Variants in DAPK1 observed in about 807,000 individuals in gnomAD.
DAPK1 encodes the protein death-associated protein kinase 1.
In DAPK1, 56 loss-of-function variants were observed where a neutral mutation model predicts 144.9. That is an observed-to-expected ratio of 0.39 (90% confidence interval 0.31 to 0.48). The LOEUF (loss-of-function observed/expected upper bound fraction) is 0.48, where lower values mean the gene tolerates loss of function less well. Among genes scored for constraint, DAPK1 ranks in the 20% least tolerant of loss-of-function variants. The pLI, the probability that DAPK1 is intolerant of heterozygous loss-of-function variation, is 0.95. For synonymous variants in DAPK1, 690 were observed against 749.0 expected (o/e 0.92, Z 1.29); for missense variants, 1,454 against 1,875.4 (o/e 0.78, Z 4.15).
chr9:87,584,887 G>A (rs768862675), intron 2 of DAPK1, among the ~76,000 whole-genome samples: 1 of 152,162 alleles, frequency 6.6e-6, no homozygotes, highest in Admixed American at 6.5e-5. Context: ...ATGTTAGCTA[G>A]GCTGGCCTCG....
chr9:87,535,076 C>A (rs139023833), intron 2 of DAPK1, among the ~76,000 whole-genome samples: 26 of 152,128 alleles, frequency 1.7e-4, no homozygotes, highest in Non-Finnish European at 2.2e-4. Context: ...TCTTGAAGCC[C>A]GTGGTGGAAA....
chr9:87,693,974 C>A (rs1460290656), intron 21 of DAPK1, among the ~76,000 whole-genome samples: 1 of 152,014 alleles, frequency 6.6e-6, no homozygotes, highest in East Asian at 1.9e-4. Context: ...GCTGAGCATG[C>A]CTGTCCTTGG....
intron 2 of DAPK1, among the ~76,000 whole-genome samples, chr9:87,531,652 T>C (rs998485595): frequency 1.3e-5 from 2 of 152,152 alleles, no homozygotes; most frequent in African/African-American, 2.4e-5. Flanking sequence ...GTGTAGGGCA[T>C]TGAACTGTCA....
chr9:87,539,600 T>C (rs928609769), intron 2 of DAPK1, among the ~76,000 whole-genome samples: 4 of 151,950 alleles, frequency 2.6e-5, no homozygotes, highest in Non-Finnish European at 5.9e-5. Flanking sequence ...GTGTTTTTAG[T>C]AGAGACGGGG....
chr9:87,641,857 A>T, intron 9 of DAPK1, 112 bp from the exon 10 acceptor site: 1 of 779,454 alleles, frequency 1.3e-6, no homozygotes, highest in Non-Finnish European at 2.1e-6. Flanking sequence ...ATGCTAATTT[A>T]ATAAGGTGAA....
At chr9:87,645,797 T>C in intron 11 of DAPK1, 98 bp from the exon 12 acceptor site, 1 of 1,462,474 alleles carries the variant, frequency 6.8e-7, no homozygotes, top group Non-Finnish European at 9.3e-7. Flanking sequence ...TTCCTCTGAA[T>C]GCCCCTGTTA....
intron 3 of DAPK1, among the ~76,000 whole-genome samples, chr9:87,636,054 G>C (rs764085097): frequency 6.6e-6 from 1 of 152,232 alleles, no homozygotes; most frequent in Non-Finnish European, 1.5e-5. Flanking sequence ...AGTGAGAAGC[G>C]GGAGGCCTTG....
chr9:87,637,576 T>G (rs562503918), intron 3 of DAPK1, among the ~76,000 whole-genome samples: 2 of 152,358 alleles, frequency 1.3e-5, no homozygotes, highest in African/African-American at 4.8e-5. Flanking sequence ...CTATAAATTC[T>G]GTACAAAGCT....
At chr9:87,643,133 A>G (rs879666828) in intron 10 of DAPK1, among the ~76,000 whole-genome samples, 3 of 152,120 alleles carry the variant, frequency 2.0e-5, no homozygotes, top group Non-Finnish European at 2.9e-5. Context: ...ATGGAAGGAG[A>G]ATCTCTATAT....
intron 17 of DAPK1, among the ~76,000 whole-genome samples, chr9:87,652,991 C>G (rs76933372): frequency 1.6e-5 from 2 of 125,564 alleles, no homozygotes; most frequent in South Asian, 3.1e-4. Flanking sequence ...CTGTGTCCAT[C>G]CCCCCGATCC....
intron 2 of DAPK1, among the ~76,000 whole-genome samples, chr9:87,583,725 C>A (rs1339839306): frequency 6.6e-6 from 1 of 152,178 alleles, no homozygotes; most frequent in East Asian, 1.9e-4. Flanking sequence ...CCACCCAAAC[C>A]TTCATTTCCA....
At position 87,629,911 on chromosome 9, in the gene DAPK1, A is replaced by G. The variant is rs577995623; in HGVS notation, c.285-8032A>G. Among the ~76,000 whole-genome samples, 7 of 152,212 alleles carry G rather than the reference A, an allele frequency of 4.6e-5. No homozygotes were observed. The South Asian group carries it at 1.0e-3, about 23-fold the overall frequency. ...AGGCAGCATCCACCTGCGTGCTGGG[A>G]CACTTGCTCTGGAGCCCTGACGTGC... On this transcript the variant is annotated intron_variant, in intron 3 of 25. Coordinates refer to ENST00000408954, the MANE Select transcript of DAPK1 (RefSeq NM_004938.4).
rs949451238 is a variant in DAPK1 at position 87,570,786 on chromosome 9, A to T, written c.63-34168A>T. Among the ~76,000 whole-genome samples, 19 of 79,074 alleles carry T rather than the reference A, an allele frequency of 2.4e-4. 1 individual carries two copies. In the South Asian group the frequency reaches 6.5e-3, roughly 27 times the overall value. The allele number at this position is 79,074 out of a possible 152,430, so 51.9% of individuals were successfully genotyped here. The stretch of plus-strand genomic sequence containing the variant: ...GCCTGATTCCCCAGATTTCAGGAAC[A>T]GCAGAGAGGGGAGAGAAACCATTTG... On this transcript the variant is annotated intron_variant, in intron 2 of 25. Transcript: ENST00000408954.
At chr9:87,507,677 T>C (rs995503465) in intron 2 of DAPK1, among the ~76,000 whole-genome samples, 1 of 152,134 alleles carries the variant, frequency 6.6e-6, no homozygotes, top group East Asian at 1.9e-4. Flanking sequence ...CACATACAAC[T>C]TTGGACGAAG....
chr9:87,526,762 C>T (rs1297719559), intron 2 of DAPK1, among the ~76,000 whole-genome samples: 2 of 152,122 alleles, frequency 1.3e-5, no homozygotes, highest in Admixed American at 6.5e-5. Context: ...GTGGTGTCGC[C>T]GTGCCCAAGT....
At chr9:87,589,330 AT>A (rs915314464) in intron 2 of DAPK1, among the ~76,000 whole-genome samples, 5 of 152,088 alleles carry the variant, frequency 3.3e-5, no homozygotes, top group Admixed American at 6.6e-5. Context: ...CCTTTCCGAT[AT>A]GGACAGTTCT....
chr9:87,539,119 G>A (rs954396609), intron 2 of DAPK1, among the ~76,000 whole-genome samples: 1 of 151,210 alleles, frequency 6.6e-6, no homozygotes, highest in Admixed American at 6.6e-5. Flanking sequence ...CATATATTAT[G>A]TATAAACATA....
Position 87,645,973 on chromosome 9 carries a change from CT to C in DAPK1, c.1091del (p.Leu364ArgfsTer65). 6.2e-7 allele frequency: 1 copy of C among 1,614,118 alleles called. No homozygotes were observed. On this transcript the variant is annotated frameshift_variant, in exon 12 of 26. Coordinates refer to ENST00000408954, the MANE Select transcript of DAPK1 (RefSeq NM_004938.4). LOFTEE classifies it high-confidence loss of function. ...DDNVPGLQHL[L>X]GSLSNYDVNQ... ...CAATGTCCCAGGCCTGCAGCACCTT[CT>C]GGGCTCATTATCCAACTATGATGTT...
intron 20 of DAPK1, among the ~76,000 whole-genome samples, chr9:87,684,323 C>T (rs1171800081): frequency 6.6e-6 from 1 of 151,104 alleles, no homozygotes; most frequent in Non-Finnish European, 1.5e-5. Flanking sequence ...GGGCACTGCT[C>T]GTGCCTGGCA....
Sources: gnomAD v4.1 joint callset for allele counts (sites outside exome capture counted in the v4.1 genomes callset) on GRCh38, gnomAD v4.1.1 for gene constraint, MANE v1.5 for transcripts, NCBI Gene and HGNC (gene_info 2026-07-23, HGNC 2026-07-21) for gene names.